The following TP63 variants were observed in gnomAD, a reference collection of about 807,000 sequenced individuals.
The protein encoded by TP63 is tumor protein p63.
In TP63, 17 loss-of-function variants were observed where a neutral mutation model predicts 82.8. The observed-to-expected ratio is 0.21, with a 90% CI of 0.14 to 0.31. TP63 has a LOEUF of 0.31. Among genes scored for constraint, TP63 ranks in the 10% least tolerant of loss-of-function variants. TP63 has a pLI of 1.00. For synonymous variants in TP63, 330 were observed against 321.7 expected (o/e 1.03, Z -0.28); for missense variants, 648 against 895.3 (o/e 0.72, Z 3.52).
Position 189,896,062 on chromosome 3 carries a change from A to G in TP63, c.*1560A>G, listed in dbSNP as rs1300280147. ...GAAACTTTGGGAAAACATGTTAATG[A>G]CAATATTCCAGATCTTTCAGAAATA... On this transcript the variant is annotated 3_prime_UTR_variant, in exon 14 of 14. Coordinates refer to ENST00000264731, the MANE Select transcript of TP63 (RefSeq NM_003722.5). The G allele has an allele frequency of 8.8e-6, 2 of 226,624 alleles. No individual in the cohort carries two copies. Among genetic ancestry groups the G allele is most frequent in the Admixed American group, 5.7e-5 (1 of 17,544 alleles). 14.0% of individuals were successfully genotyped at this position (226,624 alleles called of 1,614,324 possible).
chr3:189,771,302 A>AAATATATAATATATTATATATT (rs1723326577), intron 3 of TP63, among the ~76,000 whole-genome samples: 4 of 123,376 alleles, frequency 3.2e-5, no homozygotes, highest in Admixed American at 8.5e-5. Flanking sequence ...TATTATATTT[A>AAATATATAATATATTATATATT]TATATATAAT....
At chr3:189,726,386 T>G (rs937560451) in intron 1 of TP63, among the ~76,000 whole-genome samples, 1 of 152,196 alleles carries the variant, frequency 6.6e-6, no homozygotes, top group African/African-American at 2.4e-5. Context: ...CATTCCACCA[T>G]TAACCTACAA....
chr3:189,697,575 C>CA (rs201937835), intron 1 of TP63, among the ~76,000 whole-genome samples: 78 of 149,908 alleles, frequency 5.2e-4, no homozygotes, highest in Middle Eastern at 6.8e-3. Flanking sequence ...GCCAATATCT[C>CA]AAAAAAAAAT....
At chr3:189,816,532 A>G (rs1161812700) in intron 4 of TP63, among the ~76,000 whole-genome samples, 5 of 152,192 alleles carry the variant, frequency 3.3e-5, no homozygotes, top group Admixed American at 6.5e-5. Flanking sequence ...GTAAAACCAT[A>G]TAACTATATA....
chr3:189,885,197 T>C (rs1010397827), intron 10 of TP63, among the ~76,000 whole-genome samples: 5 of 152,224 alleles, frequency 3.3e-5, no homozygotes, highest in African/African-American at 4.8e-5. Context: ...GACACTTGCT[T>C]AAAGTCCAGT....
intron 3 of TP63, among the ~76,000 whole-genome samples, chr3:189,741,442 T>TACA (rs113187888): frequency 0.46 from 70,340 of 151,770 alleles, 16,401 homozygotes; most frequent in East Asian, 0.6. Flanking sequence ...TCTGAACTGC[T>TACA]ACAACGGGTG....
chr3:189,794,628 G>T (rs1373734162), intron 3 of TP63, among the ~76,000 whole-genome samples: 2 of 152,010 alleles, frequency 1.3e-5, no homozygotes, highest in African/African-American at 2.4e-5. Flanking sequence ...AATAAAGTTG[G>T]AAATGCAAGA....
At chr3:189,740,033 C>T (rs375346059) in intron 3 of TP63, among the ~76,000 whole-genome samples, 3 of 54,872 alleles carry the variant, frequency 5.5e-5, no homozygotes, top group African/African-American at 2.0e-4. Context: ...GGGAGAAAGT[C>T]AATTGGAGAA....
chr3:189,854,220 A>G (rs1716010293), intron 4 of TP63, among the ~76,000 whole-genome samples: 1 of 151,716 alleles, frequency 6.6e-6, no homozygotes, highest in South Asian at 2.1e-4. Flanking sequence ...AGTCTCTCCT[A>G]TGTTGTTGTT....
At chr3:189,814,435 C>T (rs552916782) in intron 4 of TP63, among the ~76,000 whole-genome samples, 34 of 152,246 alleles carry the variant, frequency 2.2e-4, no homozygotes, top group Admixed American at 1.1e-3. Context: ...GTCAGTAGCT[C>T]GTGCCACTGG....
At chr3:189,861,755 T>A (rs897337919) in intron 4 of TP63, among the ~76,000 whole-genome samples, 3 of 152,158 alleles carry the variant, frequency 2.0e-5, no homozygotes, top group African/African-American at 7.2e-5. Context: ...AACCACAATG[T>A]TGGAAACTAG....
intron 3 of TP63, among the ~76,000 whole-genome samples, chr3:189,767,995 C>T (rs965075410): frequency 3.9e-4 from 60 of 152,116 alleles, no homozygotes; most frequent in African/African-American, 1.4e-3. Flanking sequence ...TGTGAAATCA[C>T]ATACAATATG....
At chr3:189,795,451 G>A (rs970623265) in intron 3 of TP63, among the ~76,000 whole-genome samples, 2 of 151,912 alleles carry the variant, frequency 1.3e-5, no homozygotes, top group South Asian at 4.1e-4. Flanking sequence ...GAGTGAAATC[G>A]AGTTCAAACT....
intron 3 of TP63, among the ~76,000 whole-genome samples, chr3:189,755,123 C>A (rs1166571221): frequency 6.6e-6 from 1 of 152,084 alleles, no homozygotes; most frequent in Non-Finnish European, 1.5e-5. Context: ...AACAGTGTTT[C>A]TCATTGATCT....
intron 1 of TP63, among the ~76,000 whole-genome samples, chr3:189,666,038 A>G (rs1396603523): frequency 1.3e-5 from 2 of 152,056 alleles, no homozygotes; most frequent in African/African-American, 4.8e-5. Flanking sequence ...CTGAAAATAA[A>G]TATAGTTTTC....
intron 1 of TP63, among the ~76,000 whole-genome samples, chr3:189,681,754 A>G (rs1468917731): frequency 6.6e-6 from 1 of 152,082 alleles, no homozygotes; most frequent in Non-Finnish European, 1.5e-5. Context: ...ATAGGGTACA[A>G]TATATGGATA....
At chr3:189,693,034 A>G (rs1177569914) in intron 1 of TP63, among the ~76,000 whole-genome samples, 1 of 152,078 alleles carries the variant, frequency 6.6e-6, no homozygotes, top group South Asian at 2.1e-4. Context: ...CTCAAACAAA[A>G]ATCAGTGTTT....
intron 1 of TP63, among the ~76,000 whole-genome samples, chr3:189,658,526 T>C (rs1284300772): frequency 6.6e-6 from 1 of 152,016 alleles, no homozygotes; most frequent in East Asian, 1.9e-4. Flanking sequence ...AAGTAGATAG[T>C]ATGTAGCCTT....
chr3:189,657,855 G>A (rs1438152389), intron 1 of TP63, among the ~76,000 whole-genome samples: 4 of 152,028 alleles, frequency 2.6e-5, no homozygotes, highest in Non-Finnish European at 4.4e-5. Flanking sequence ...GGCCTCGGAG[G>A]AGTGATGTCC....
Sources: allele counts gnomAD v4.1 joint callset (sites outside exome capture counted in the v4.1 genomes callset), GRCh38; gene constraint gnomAD v4.1.1; transcripts MANE v1.5; gene names NCBI Gene and HGNC (gene_info 2026-07-23, HGNC 2026-07-21).